CD4: variants seen among roughly 807,000 people sequenced by gnomAD.
The protein encoded by CD4 is T-cell surface glycoprotein CD4.
In CD4, 25 loss-of-function variants were observed where a neutral mutation model predicts 50.5. The ratio of observed to expected loss-of-function variants is 0.49; its 90% CI spans 0.36 to 0.69. The LOEUF is 0.69. Ranked by LOEUF, CD4 falls within the 30% of genes least tolerant of loss-of-function variation. The pLI, the probability that CD4 is intolerant of heterozygous loss-of-function variation, is 0.00. For missense variants in CD4, 456 were observed against 548.5 expected (o/e 0.83, Z 1.68); for synonymous variants, 207 against 221.9 (o/e 0.93, Z 0.60).
chr12:6,818,398 G>T lies in CD4; in HGVS notation c.1157-23G>T. ...GGCCCGTGGAGGAGGGCGGTGCATT[G>T]AGCACATTTCTCTCCCTTGCAGTTC... is the stretch of plus-strand genomic sequence containing the variant. On this transcript the variant is annotated intron_variant, in intron 7 of 9. Transcript: ENST00000011653. This position sits in a 1 kb window ranked among gnomAD's most constrained non-coding sequence, Gnocchi z 5.0. 6.2e-7 allele frequency: 1 copy of T among 1,610,908 alleles called. No homozygotes were observed. Among genetic ancestry groups the T allele is most frequent in the South Asian group, 1.1e-5 (1 of 91,022 alleles).
intron 1 of CD4, among the ~76,000 whole-genome samples, chr12:6,789,963 G>A (rs924264599): frequency 3.9e-5 from 6 of 152,160 alleles, no homozygotes; most frequent in African/African-American, 1.4e-4. Context: ...AGTGAAGACT[G>A]GAGACTATCC....
At chr12:6,802,015 A>G (rs959843025) in intron 3 of CD4, among the ~76,000 whole-genome samples, 4 of 151,766 alleles carry the variant, frequency 2.6e-5, no homozygotes, top group Admixed American at 2.0e-4. Context: ...CTGGGACTAC[A>G]GGCGTGTGCC....
intron 3 of CD4, among the ~76,000 whole-genome samples, chr12:6,813,212 T>TA (rs201216685): frequency 6.9e-5 from 10 of 144,854 alleles, no homozygotes; most frequent in South Asian, 4.6e-4. Context: ...GGCGGCTAAT[T>TA]AAAAAAAATT....
intron 3 of CD4, among the ~76,000 whole-genome samples, chr12:6,812,115 A>G (rs1942956898): frequency 1.3e-5 from 2 of 152,096 alleles, no homozygotes; most frequent in Admixed American, 6.5e-5. Flanking sequence ...AAAAGGGCAT[A>G]TAGGCTGGGT....
At position 6,818,657 on chromosome 12, in the gene CD4, T is replaced by TC; in HGVS notation, c.1278+118dup. The TC allele has an allele frequency of 7.4e-7, 1 of 1,360,370 alleles. No homozygotes were observed. 84.3% of individuals were successfully genotyped at this position (1,360,370 alleles called of 1,614,324 possible). ...CAGCTCCCTCTGCCCACTCGTAAGT[T>TC]CCCTTGCTGCCCTGTCCCAGATCCC... is the stretch of plus-strand genomic sequence containing the variant. On this transcript the variant is annotated intron_variant, in intron 8 of 9. Transcript: ENST00000011653. This position sits in a 1 kb window ranked among gnomAD's most constrained non-coding sequence, Gnocchi z 5.0.
intron 3 of CD4, 54 bp downstream of exon 3, chr12:6,800,525 C>T (rs1416426130): frequency 2.7e-6 from 4 of 1,480,802 alleles, no homozygotes; most frequent in Non-Finnish European, 3.7e-6. Context: ...GGAGTGAAAG[C>T]CTTTGGTGTC....
intron 3 of CD4, among the ~76,000 whole-genome samples, chr12:6,807,587 A>G (rs1477865065): frequency 1.3e-5 from 2 of 152,168 alleles, no homozygotes; most frequent in East Asian, 3.9e-4. Flanking sequence ...GGGAAGGGGT[A>G]TGGCTACAAA....
At chr12:6,797,597 A>G (rs780956885) in intron 1 of CD4, among the ~76,000 whole-genome samples, 6 of 152,104 alleles carry the variant, frequency 3.9e-5, no homozygotes, top group Non-Finnish European at 7.4e-5. Flanking sequence ...TATCTTTACT[A>G]TCTCCGCGAG....
intron 3 of CD4, among the ~76,000 whole-genome samples, chr12:6,802,579 A>G (rs1205825789): frequency 1.3e-5 from 2 of 152,158 alleles, no homozygotes; most frequent in Non-Finnish European, 2.9e-5. Flanking sequence ...AAGTGCTGGG[A>G]TTATAGGTAT....
chr12:6,818,576 C>A lies in CD4; in HGVS notation c.1278+34C>A. On this transcript the variant is annotated intron_variant, in intron 8 of 9. Coordinates refer to ENST00000011653, the MANE Select transcript of CD4 (RefSeq NM_000616.5). The surrounding 1 kb of genome is among the most constrained non-coding windows in gnomAD (Gnocchi z 5.0). ...CCCCACACCTGGTCCCCACAAGGCCCTCAAACCCCTGAGTCCTCTACCAGG... is the reference window on the plus strand; with the variant it reads ...CCCCACACCTGGTCCCCACAAGGCCATCAAACCCCTGAGTCCTCTACCAGG... The A allele has an allele frequency of 6.2e-7, 1 of 1,611,270 alleles. No homozygotes were observed. The highest frequency in any genetic ancestry group is 1.1e-5 in the South Asian group (1 of 91,020).
rs1478797693 is a variant in CD4 at position 6,813,986 on chromosome 12, G to C, written c.215-156G>C. On this transcript the variant is annotated intron_variant, in intron 3 of 9. Transcript: ENST00000011653. Reference sequence around the variant, plus strand: ...CCAGCCAGGTAAATGGATATGATGAGACCTCCTTGCCAGACCGGGTTTCTC... The same window carrying C: ...CCAGCCAGGTAAATGGATATGATGACACCTCCTTGCCAGACCGGGTTTCTC... The C allele has an allele frequency of 4.6e-6, 3 of 656,784 alleles. No homozygotes were observed. The African/African-American group carries it at 5.4e-5, about 12-fold the overall frequency. The allele number at this position is 656,784 out of a possible 1,614,324, so 40.7% of individuals were successfully genotyped here. A position where few individuals can be genotyped will look rare whatever the true frequency, so the allele number is the denominator to read the frequency against.
At chr12:6,804,149 AATAAAAT>A (rs1942653300) in intron 3 of CD4, among the ~76,000 whole-genome samples, 1 of 149,788 alleles carries the variant, frequency 6.7e-6, no homozygotes, top group Non-Finnish European at 1.5e-5. Flanking sequence ...TAAATAAATA[AATAAAAT>A]AAAAAGCACA....
chr12:6,808,716 T>G (rs1555116626), intron 3 of CD4, among the ~76,000 whole-genome samples: 4 of 152,054 alleles, frequency 2.6e-5, no homozygotes, highest in African/African-American at 9.7e-5. Flanking sequence ...ATATGGCCAT[T>G]ATCATTTTGT....
In CD4 at chr12:6,792,794, G is replaced by A. The variant is rs1299211892; in HGVS notation, c.-68+3132G>A. Among the ~76,000 whole-genome samples the A allele has an allele frequency of 2.0e-5, 3 of 152,172 alleles. No individual in the cohort carries two copies. Among genetic ancestry groups the A allele is most frequent in the Non-Finnish European group, 2.9e-5 (2 of 68,024 alleles). ...AGGGGAAGCTGAAAAAGGAGAAGAG[G>A]CAAGGGGCATTCCAGGGGAGCCCGG... On this transcript the variant is annotated intron_variant, in intron 1 of 9. Transcript: ENST00000011653. This position sits in a 1 kb window ranked among gnomAD's most constrained non-coding sequence, Gnocchi z 4.1.
In CD4 at chr12:6,800,450, C is replaced by T; in HGVS notation, c.193C>T (p.Gln65Ter). 6.2e-7 allele frequency: 1 copy of T among 1,613,682 alleles called. No homozygotes were observed. Among genetic ancestry groups the T allele is most frequent in the Non-Finnish European group, 8.5e-7 (1 of 1,179,834 alleles). ...NSNQIKILGN[Q>*]GSFLTKGPSK... ...CAACCAGATAAAGATTCTGGGAAAT[C>T]AGGGCTCCTTCTTAACTAAAGGTAG... The change falls in exon 3 of 10, where the codon CAG becomes TAG. Residue 65 changes from glutamine (Q) to a stop codon, truncating the protein, a stop_gained. Coordinates refer to ENST00000011653, the MANE Select transcript of CD4 (RefSeq NM_000616.5). LOFTEE classifies it high-confidence loss of function.
intron 3 of CD4, among the ~76,000 whole-genome samples, chr12:6,802,719 G>A (rs934453224): frequency 6.6e-6 from 1 of 151,894 alleles, no homozygotes; most frequent in African/African-American, 2.4e-5. Context: ...ATATCATAAT[G>A]AGACTACCAA....
chr12:6,819,302 G>A lies in CD4; in HGVS notation c.1350G>A (p.Arg450=), dbSNP rs782620229. Residue 450 remains arginine, a synonymous_variant, in exon 10 of 10, where the codon CGG becomes CGA. Transcript: ENST00000011653. ...SEKKTCQCPH[R]FQKTCSPI is the part of the protein sequence containing the mutation. ...CCCTTCTTCTTTGTTCCTGCAGCCG[G>A]TTTCAGAAGACATGTAGCCCCATTT... 6.2e-7 allele frequency: 1 copy of A among 1,614,152 alleles called. No individual in the cohort carries two copies. Among genetic ancestry groups the A allele is most frequent in the Non-Finnish European group, 8.5e-7 (1 of 1,179,996 alleles).
chr12:6,818,756 C>T lies in CD4; in HGVS notation c.1279-91C>T. The T allele has an allele frequency of 2.4e-6, 3 of 1,275,948 alleles. No homozygotes were observed. Among genetic ancestry groups the T allele is most frequent in the Non-Finnish European group, 3.4e-6 (3 of 873,424 alleles). 79.0% of individuals were successfully genotyped at this position (1,275,948 alleles called of 1,614,324 possible). On this transcript the variant is annotated intron_variant, in intron 8 of 9. Coordinates refer to ENST00000011653, the MANE Select transcript of CD4 (RefSeq NM_000616.5). This position sits in a 1 kb window ranked among gnomAD's most constrained non-coding sequence, Gnocchi z 5.0. ...GGCCTGGGCCATGTAACTGCTTCTC[C>T]TGTCGCAGCTTCCCCCACTCCCCCC...
At chr12:6,815,040 GA>G in intron 5 of CD4, 48 bp downstream of exon 5, 1 of 1,309,636 alleles carries the variant, frequency 7.6e-7, no homozygotes. Flanking sequence ...CCCAGGGGCT[GA>G]CAGCCCCTCC....
Sources: allele counts gnomAD v4.1 joint callset (sites outside exome capture counted in the v4.1 genomes callset), GRCh38; gene constraint gnomAD v4.1.1; non-coding constraint Gnocchi (gnomAD v3.1); transcripts MANE v1.5; gene names NCBI Gene and HGNC (gene_info 2026-07-23, HGNC 2026-07-21).